Variants in NEK10 observed in about 807,000 individuals in gnomAD.
NEK10 encodes serine/threonine-protein kinase Nek10.
Under a neutral mutation model 159.8 loss-of-function variants are expected in NEK10, and 122 were observed. The observed-to-expected ratio is 0.76, with a 90% CI of 0.66 to 0.89. The LOEUF (loss-of-function observed/expected upper bound fraction) is 0.89, where lower values mean the gene tolerates loss of function less well. Ranked by LOEUF, NEK10 falls within the 40% of genes least tolerant of loss-of-function variation. The probability of loss-of-function intolerance (pLI) is 0.00; values close to 1 mark genes in which losing one functional copy is unlikely to be tolerated. For missense variants in NEK10, 1,342 were observed against 1,323.1 expected, an observed-to-expected ratio of 1.01 and a Z score of -0.22; for synonymous variants, 466 against 457.1, an observed-to-expected ratio of 1.02 and a Z score of -0.25.
At chr3:27,319,523 T>A (rs1360171504) in intron 6 of NEK10, among the ~76,000 whole-genome samples, 1 of 152,142 alleles carries the variant, frequency 6.6e-6, no homozygotes, top group South Asian at 2.1e-4. Flanking sequence ...TAGAATTCAA[T>A]GTGCAAGTTA....
chr3:27,314,187 C>T, intron 7 of NEK10, 110 bp downstream of exon 7: 3 of 745,938 alleles, frequency 4.0e-6, no homozygotes, highest in Non-Finnish European at 7.2e-6. Flanking sequence ...CTCTCTGGGG[C>T]AGACAGCATA....
At chr3:27,202,679 T>C in intron 23 of NEK10, 122 bp from the exon 24 acceptor site, 1 of 1,252,284 alleles carries the variant, frequency 8.0e-7, no homozygotes, top group Non-Finnish European at 1.0e-6. Flanking sequence ...TTAATCACTA[T>C]TTCAGGAAAG....
intron 22 of NEK10, among the ~76,000 whole-genome samples, chr3:27,281,277 T>C (rs150495449): frequency 2.0e-5 from 3 of 151,994 alleles, no homozygotes; most frequent in East Asian, 1.9e-4. Context: ...GGGAGAAAAG[T>C]AGTGAAGAAA....
chr3:27,354,561 A>C (rs1196084501), intron 1 of NEK10, among the ~76,000 whole-genome samples: 2 of 152,212 alleles, frequency 1.3e-5, no homozygotes, highest in Non-Finnish European at 2.9e-5. Flanking sequence ...AGCTTTGAGA[A>C]GTTGGGAATG....
intron 23 of NEK10, among the ~76,000 whole-genome samples, chr3:27,232,217 T>G (rs1953369203): frequency 6.6e-6 from 1 of 151,710 alleles, no homozygotes; most frequent in African/African-American, 2.4e-5. Flanking sequence ...CAATAAAGTC[T>G]CAGAATACAT....
intron 1 of NEK10, among the ~76,000 whole-genome samples, chr3:27,358,067 T>C (rs2048439040): frequency 6.6e-6 from 1 of 152,210 alleles, no homozygotes; most frequent in Admixed American, 6.5e-5. Flanking sequence ...GGCCAAAAAC[T>C]TTGGCTTTTT....
intron 30 of NEK10, among the ~76,000 whole-genome samples, chr3:27,148,832 G>T (rs1483791890): frequency 1.3e-5 from 2 of 151,970 alleles, no homozygotes; most frequent in African/African-American, 4.8e-5. Flanking sequence ...AGTGTGAGTT[G>T]CCATTTAACA....
intron 25 of NEK10, among the ~76,000 whole-genome samples, chr3:27,196,839 C>G (rs1393978111): frequency 3.3e-5 from 5 of 152,120 alleles, no homozygotes; most frequent in African/African-American, 1.2e-4. Flanking sequence ...TTTTAATGTA[C>G]TTTCCAAAAA....
chr3:27,171,837 T>C lies in NEK10; in HGVS notation c.2813A>G (p.Glu938Gly). 1 of 1,613,894 alleles carries C rather than the reference T, an allele frequency of 6.2e-7. No homozygotes were observed. Among genetic ancestry groups the C allele is most frequent in the Non-Finnish European group, 8.5e-7 (1 of 1,179,926 alleles). ...LKRSFSASGG[E>G]RQSQTRDFTG... ...CACCTACCTTGTTTGGGATTGTCTT[T>C]CTCCTCCTGAAGCACTAAAACTTCT... Residue 938 changes from glutamate to glycine, a missense_variant, in exon 29 of 36, where the codon GAA (glutamate) becomes GGA (glycine). Physicochemically the swap from Glu to Gly is moderately conservative, Grantham distance 98. Transcript: ENST00000691995.
chr3:27,259,394 T>C (rs1475585828), intron 22 of NEK10, among the ~76,000 whole-genome samples: 1 of 152,202 alleles, frequency 6.6e-6, no homozygotes, highest in Admixed American at 6.5e-5. Flanking sequence ...TTAATTTTTG[T>C]ATAAGGTGTA....
chr3:27,218,256 T>A (rs1951729660), intron 23 of NEK10, among the ~76,000 whole-genome samples: 1 of 152,222 alleles, frequency 6.6e-6, no homozygotes, highest in Non-Finnish European at 1.5e-5. Context: ...ATCTTCCATT[T>A]ACTATTTTCA....
intron 22 of NEK10, among the ~76,000 whole-genome samples, chr3:27,257,814 A>G (rs1244426756): frequency 1.0e-4 from 13 of 129,922 alleles, no homozygotes; most frequent in Non-Finnish European, 1.7e-4. Flanking sequence ...TTTGAGACGG[A>G]GTCTCACTCT....
chr3:27,161,028 C>G (rs1275151463), intron 30 of NEK10, among the ~76,000 whole-genome samples: 3 of 152,154 alleles, frequency 2.0e-5, no homozygotes, highest in African/African-American at 7.2e-5. Flanking sequence ...TATGTAAACT[C>G]TGCCATAATG....
intron 22 of NEK10, among the ~76,000 whole-genome samples, chr3:27,266,071 CTGGGATT>C: frequency 6.6e-6 from 1 of 152,286 alleles, no homozygotes; most frequent in Middle Eastern, 3.4e-3. Flanking sequence ...TCCCAAAGTG[CTGGGATT>C]ACAGGCGTGA....
chr3:27,246,692 C>A (rs1400830732), intron 23 of NEK10, among the ~76,000 whole-genome samples: 1 of 152,106 alleles, frequency 6.6e-6, no homozygotes, highest in Non-Finnish European at 1.5e-5. Flanking sequence ...TCCCCCCAAC[C>A]CCTGCCCACT....
At chr3:27,140,416 G>C (rs761872532) in intron 31 of NEK10, among the ~76,000 whole-genome samples, 9 of 152,178 alleles carry the variant, frequency 5.9e-5, no homozygotes, top group African/African-American at 1.4e-4. Flanking sequence ...CCATTTACTA[G>C]AGTGACTGTT....
intron 23 of NEK10, among the ~76,000 whole-genome samples, chr3:27,246,245 G>C (rs1037989912): frequency 1.3e-5 from 2 of 152,042 alleles, no homozygotes; most frequent in Non-Finnish European, 2.9e-5. Context: ...TTAGGTTCAG[G>C]GGTACATCTG....
Position 27,198,114 on chromosome 3 carries a change from C to T in NEK10, c.2291+3396G>A, listed in dbSNP as rs181756717. Among the ~76,000 whole-genome samples, 23 of 152,060 alleles carry T rather than the reference C, an allele frequency of 1.5e-4. 1 individual carries two copies. The highest frequency in any genetic ancestry group is 2.6e-4 in the Admixed American group (4 of 15,264). ...ACAGAGAGAACTAGAAAACACTGCT[C>T]AAAGAAATCAGAGATGACACAAACA... is the stretch of plus-strand genomic sequence containing the variant. On this transcript the variant is annotated intron_variant, in intron 25 of 35. Coordinates refer to ENST00000691995, the MANE Select transcript of NEK10 (RefSeq NM_001394966.1).
At chr3:27,126,861 G>T (rs1055865963) in intron 32 of NEK10, among the ~76,000 whole-genome samples, 1 of 152,012 alleles carries the variant, frequency 6.6e-6, no homozygotes, top group African/African-American at 2.4e-5. Flanking sequence ...TTCTTCCGGA[G>T]GACGCAACCC....
Sources: allele counts gnomAD v4.1 joint callset (sites outside exome capture counted in the v4.1 genomes callset), GRCh38; gene constraint gnomAD v4.1.1; transcripts MANE v1.5; gene names NCBI Gene and HGNC (gene_info 2026-07-23, HGNC 2026-07-21).